MATN2: variants seen among roughly 807,000 people sequenced by gnomAD.
MATN2 encodes the protein matrilin 2.
Under a neutral mutation model 103.2 loss-of-function variants are expected in MATN2, and 69 were observed. That is an observed-to-expected ratio of 0.67 (90% CI 0.55 to 0.82). The LOEUF (loss-of-function observed/expected upper bound fraction) is 0.82, where lower values mean the gene tolerates loss of function less well. Ranked by LOEUF, MATN2 falls within the 40% of genes least tolerant of loss-of-function variation. The probability of loss-of-function intolerance (pLI) is 0.00; values close to 1 mark genes in which losing one functional copy is unlikely to be tolerated. For missense variants in MATN2, 1,023 were observed against 1,211.5 expected (o/e 0.84, Z 2.31); for synonymous variants, 429 against 450.2 (o/e 0.95, Z 0.60).
At position 98,032,259 on chromosome 8, in the gene MATN2, C is replaced by T. The variant is rs572743265; in HGVS notation, c.2523C>T (p.Ser841=). The T allele has an allele frequency of 1.1e-5, 18 of 1,611,354 alleles. No individual in the cohort carries two copies. The highest frequency in any genetic ancestry group is 8.9e-5 in the East Asian group (4 of 44,812). Residue 841 remains serine (S), a synonymous_variant, in exon 16 of 19, where the codon TCC becomes TCT. Transcript: ENST00000254898. ...KKGICEALED[S]DGRQDSPAGE... ...TTTTCTGCTCAGCTCTAGAAGACTC[C>T]GATGGAAGACAGGACTCTCCAGCAG...
intron 2 of MATN2, among the ~76,000 whole-genome samples, chr8:97,904,661 A>G (rs1430429261): frequency 6.6e-6 from 1 of 152,162 alleles, no homozygotes; most frequent in African/African-American, 2.4e-5. Flanking sequence ...AGTCCTTGAA[A>G]TGTAGATTTT....
intron 5 of MATN2, among the ~76,000 whole-genome samples, chr8:97,969,420 T>C (rs980468463): frequency 5.3e-5 from 8 of 152,226 alleles, no homozygotes; most frequent in Admixed American, 5.2e-4. Context: ...TTAAATAAGA[T>C]AGTGAGTGAC....
At chr8:98,018,424 A>T (rs1563729390) in intron 12 of MATN2, among the ~76,000 whole-genome samples, 1 of 152,180 alleles carries the variant, frequency 6.6e-6, no homozygotes, top group African/African-American at 2.4e-5. Context: ...ACTGAATTAG[A>T]ACCTCTGCCA....
At chr8:97,998,879 T>C (rs867416762) in intron 7 of MATN2, among the ~76,000 whole-genome samples, 10 of 152,220 alleles carry the variant, frequency 6.6e-5, no homozygotes, top group African/African-American at 2.4e-4. Flanking sequence ...TAACCATTTT[T>C]AAGTATCTAG....
At chr8:98,035,146 T>C (rs1340895996) in intron 18 of MATN2, among the ~76,000 whole-genome samples, 1 of 151,924 alleles carries the variant, frequency 6.6e-6, no homozygotes, top group Non-Finnish European at 1.5e-5. Flanking sequence ...TCACCTGAGG[T>C]GGGGAGTTCG....
chr8:97,991,669 C>G (rs1000183342), intron 6 of MATN2, among the ~76,000 whole-genome samples: 2 of 151,764 alleles, frequency 1.3e-5, no homozygotes, highest in African/African-American at 2.4e-5. Flanking sequence ...TTGCAGTGAG[C>G]TGAGATCGTG....
chr8:97,869,626 AG>A (rs1817827760), intron 1 of MATN2, among the ~76,000 whole-genome samples: 1 of 152,208 alleles, frequency 6.6e-6, no homozygotes, highest in African/African-American at 2.4e-5. Context: ...ACCCAGGGAA[AG>A]GGAGACCTGT....
intron 1 of MATN2, among the ~76,000 whole-genome samples, chr8:97,884,136 C>CTT (rs1260384394): frequency 7.2e-6 from 1 of 139,604 alleles, no homozygotes; most frequent in Non-Finnish European, 1.6e-5. Context: ...TCTTTTTTTT[C>CTT]TTTTTTTTTT....
At chr8:98,027,962 C>A in intron 14 of MATN2, 133 bp downstream of exon 14, 1 of 848,900 alleles carries the variant, frequency 1.2e-6, no homozygotes, top group Non-Finnish European at 1.7e-6. Flanking sequence ...TGCCATTATA[C>A]ATCTTTACTA....
chr8:97,994,140 G>A (rs1012091636), intron 6 of MATN2, among the ~76,000 whole-genome samples: 2 of 142,552 alleles, frequency 1.4e-5, no homozygotes, highest in Non-Finnish European at 3.0e-5. Flanking sequence ...GAGAGAGGAA[G>A]GAAGGAAAGA....
At chr8:97,933,704 G>A (rs553721802) in intron 3 of MATN2, among the ~76,000 whole-genome samples, 15 of 151,978 alleles carry the variant, frequency 9.9e-5, no homozygotes, top group Non-Finnish European at 1.6e-4. Flanking sequence ...GCGTTATCCC[G>A]CTTGTTCCTG....
intron 10 of MATN2, among the ~76,000 whole-genome samples, chr8:98,016,237 G>C (rs1170173321): frequency 6.6e-6 from 1 of 152,144 alleles, no homozygotes; most frequent in Non-Finnish European, 1.5e-5. Context: ...GCCTGGTGTG[G>C]TGGTGCACGC....
chr8:97,909,578 C>T (rs1174061819), intron 2 of MATN2, among the ~76,000 whole-genome samples: 1 of 152,158 alleles, frequency 6.6e-6, no homozygotes, highest in Admixed American at 6.5e-5. Flanking sequence ...AATAATGTTG[C>T]AGGCAGAGAG....
Position 98,003,762 on chromosome 8 carries a change from C to A in MATN2, c.1306C>A (p.Pro436Thr), listed in dbSNP as rs371094213. 1.1e-4 allele frequency: 171 copies of A among 1,613,746 alleles called. No homozygotes were observed. The East Asian group carries it at 1.8e-3, about 17-fold the overall frequency. Residue 436 changes from proline to threonine, a missense_variant, in exon 8 of 19, where the codon CCC becomes ACC. Coordinates refer to ENST00000254898, the MANE Select transcript of MATN2 (RefSeq NM_002380.5). ...CRCHRGYTLDPNGKTCSRVDH... is the reference protein window; with the variant it reads ...CRCHRGYTLDTNGKTCSRVDH... ...CTGCCACCGTGGCTACACTCTGGACCCCAATGGCAAAACCTGCAGCCGTGA... is the reference window on the plus strand; with the variant it reads ...CTGCCACCGTGGCTACACTCTGGACACCAATGGCAAAACCTGCAGCCGTGA...
chr8:97,987,352 G>A (rs1052280415), intron 6 of MATN2, among the ~76,000 whole-genome samples: 26 of 152,230 alleles, frequency 1.7e-4, no homozygotes, highest in African/African-American at 6.0e-4. Flanking sequence ...TAATACCTGG[G>A]TGATGCGCTG....
At chr8:97,902,853 A>G (rs141886375) in intron 2 of MATN2, among the ~76,000 whole-genome samples, 4,734 of 152,218 alleles carry the variant, frequency 0.031, 81 homozygotes, top group Middle Eastern at 0.061. Flanking sequence ...CACTCCCCTC[A>G]ACACAGGAGT....
intron 15 of MATN2, 161 bp from the exon 16 acceptor site, chr8:98,032,082 ATGG>A (rs1180860056): frequency 1.2e-5 from 7 of 589,852 alleles, no homozygotes; most frequent in African/African-American, 1.9e-5. Context: ...CATAAGTATC[ATGG>A]TAACCAACTG....
intron 4 of MATN2, among the ~76,000 whole-genome samples, chr8:97,949,302 G>T (rs1259026291): frequency 6.6e-6 from 1 of 151,700 alleles, no homozygotes; most frequent in Non-Finnish European, 1.5e-5. Flanking sequence ...CAAGTAGCTG[G>T]ATCTACAGGC....
intron 11 of MATN2, among the ~76,000 whole-genome samples, chr8:98,017,578 A>G (rs1040407907): frequency 1.3e-5 from 2 of 152,248 alleles, no homozygotes; most frequent in Non-Finnish European, 2.9e-5. Flanking sequence ...AGCACAGCTA[A>G]GACTCCAAGA....
Sources: allele counts gnomAD v4.1 joint callset (sites outside exome capture counted in the v4.1 genomes callset), GRCh38; gene constraint gnomAD v4.1.1; transcripts MANE v1.5; gene names NCBI Gene and HGNC (gene_info 2026-07-23, HGNC 2026-07-21).